PTPN3: variants seen among roughly 807,000 people sequenced by gnomAD.
PTPN3 encodes protein tyrosine phosphatase non-receptor type 3.
Under a neutral mutation model 132.7 loss-of-function variants are expected in PTPN3, and 96 were observed. The observed-to-expected ratio is 0.72, with a 90% CI of 0.61 to 0.86. The LOEUF (loss-of-function observed/expected upper bound fraction) is 0.86, where lower values mean the gene tolerates loss of function less well. Ranked by LOEUF, PTPN3 falls within the 40% of genes least tolerant of loss-of-function variation. The probability of loss-of-function intolerance (pLI) is 0.00; values close to 1 mark genes in which losing one functional copy is unlikely to be tolerated. For missense variants in PTPN3, 1,125 were observed against 1,159.6 expected, an observed-to-expected ratio of 0.97 and a Z score of 0.43; for synonymous variants, 398 against 429.0, an observed-to-expected ratio of 0.93 and a Z score of 0.89.
intron 10 of PTPN3, among the ~76,000 whole-genome samples, chr9:109,431,648 T>A (rs1448864713): frequency 6.6e-6 from 1 of 152,242 alleles, no homozygotes; most frequent in Non-Finnish European, 1.5e-5. Flanking sequence ...TGTCGTCACA[T>A]TTTTTGGTTT....
chr9:109,441,606 T>C (rs1844476227), intron 7 of PTPN3, among the ~76,000 whole-genome samples: 1 of 152,226 alleles, frequency 6.6e-6, no homozygotes, highest in Admixed American at 6.5e-5. Flanking sequence ...CAGACCTCTA[T>C]GTGGCACAGG....
At chr9:109,417,473 TA>T in intron 14 of PTPN3, 1 of 657,992 alleles carries the variant, frequency 1.5e-6, no homozygotes, top group Non-Finnish European at 1.9e-6. Context: ...ATCTGCTGTA[TA>T]AAACATGTCA....
intron 7 of PTPN3, among the ~76,000 whole-genome samples, chr9:109,440,225 G>A (rs1361767378): frequency 6.6e-6 from 1 of 152,220 alleles, no homozygotes; most frequent in Non-Finnish European, 1.5e-5. Flanking sequence ...TGCAGACTTG[G>A]TCAAGGTTAG....
the PTPN3 span, among the ~76,000 whole-genome samples, chr9:109,523,368 C>A: frequency 5.3e-5 from 8 of 152,168 alleles, no homozygotes; most frequent in African/African-American, 1.9e-4. Flanking sequence ...CCTGCCTTGG[C>A]CTCCCAAAGT....
intron 1 of PTPN3, among the ~76,000 whole-genome samples, chr9:109,488,934 G>A (rs1847334843): frequency 6.6e-6 from 1 of 152,172 alleles, no homozygotes; most frequent in South Asian, 2.1e-4. Context: ...CTGCTTCCCT[G>A]CCTTTGCCAA....
At chr9:109,443,748 A>G (rs1401600290) in intron 7 of PTPN3, among the ~76,000 whole-genome samples, 3 of 152,042 alleles carry the variant, frequency 2.0e-5, no homozygotes, top group Admixed American at 2.0e-4. Context: ...TCCCAGGTAT[A>G]TTGTAGGGAG....
At chr9:109,439,073 A>C (rs769187658) in intron 7 of PTPN3, among the ~76,000 whole-genome samples, 18 of 152,058 alleles carry the variant, frequency 1.2e-4, no homozygotes, top group Non-Finnish European at 2.5e-4. Context: ...GATGCCTATG[A>C]TGTGATGGGC....
the PTPN3 span, among the ~76,000 whole-genome samples, chr9:109,518,278 G>T: frequency 1.3e-5 from 2 of 152,210 alleles, no homozygotes; most frequent in African/African-American, 4.8e-5. Context: ...TCTCAGCCAG[G>T]CTCTATGCCA....
chr9:109,522,395 G>A, the PTPN3 span, among the ~76,000 whole-genome samples: 963 of 152,314 alleles, frequency 6.3e-3, 10 homozygotes, highest in African/African-American at 0.022. Context: ...AGATTCAGGT[G>A]AGCTGACTCA....
At chr9:109,394,947 G>C (rs1840444238) in intron 19 of PTPN3, among the ~76,000 whole-genome samples, 1 of 151,986 alleles carries the variant, frequency 6.6e-6, no homozygotes, top group South Asian at 2.1e-4. Context: ...AGACCATCCA[G>C]GCTAACATGG....
chr9:109,467,820 G>A (rs918401234), intron 1 of PTPN3, among the ~76,000 whole-genome samples: 2 of 152,158 alleles, frequency 1.3e-5, no homozygotes, highest in African/African-American at 4.8e-5. Context: ...CAGTCACACA[G>A]CTAGCTGACA....
At chr9:109,428,546 A>G in intron 11 of PTPN3, 75 bp downstream of exon 11, 1 of 1,493,354 alleles carries the variant, frequency 6.7e-7, no homozygotes, top group Admixed American at 1.9e-5. Flanking sequence ...AGTTTGGGCA[A>G]CATAGCGAGA....
chr9:109,503,739 C>A, the PTPN3 span, among the ~76,000 whole-genome samples: 1 of 151,738 alleles, frequency 6.6e-6, no homozygotes. Flanking sequence ...CTTTCCTCTG[C>A]AAATTATCAC....
the PTPN3 span, among the ~76,000 whole-genome samples, chr9:109,512,626 C>T: frequency 1.3e-5 from 2 of 152,166 alleles, no homozygotes; most frequent in Admixed American, 6.5e-5. Context: ...ACCGGAAACA[C>T]CAAGCACAGG....
At chr9:109,534,581 A>AG in the PTPN3 span, among the ~76,000 whole-genome samples, 1 of 148,856 alleles carries the variant, frequency 6.7e-6, no homozygotes, top group Non-Finnish European at 1.5e-5. Context: ...GTTCGAGACC[A>AG]GCCTGACTAA....
the PTPN3 span, among the ~76,000 whole-genome samples, chr9:109,519,751 C>G: frequency 7.6e-5 from 4 of 52,672 alleles, no homozygotes; most frequent in Admixed American, 9.3e-4. Context: ...TGCTCCTTGC[C>G]AGGAACTGTT....
chr9:109,485,849 C>T (rs78424787), intron 1 of PTPN3, among the ~76,000 whole-genome samples: 4 of 152,258 alleles, frequency 2.6e-5, no homozygotes, highest in Non-Finnish European at 5.9e-5. Flanking sequence ...CTCCCATACA[C>T]CTATTCACCT....
chr9:109,534,355 GC>G, the PTPN3 span: 3 of 1,497,372 alleles, frequency 2.0e-6, no homozygotes, highest in Non-Finnish European at 2.7e-6. Context: ...GGTGACTGGG[GC>G]CGGCTGCGGC....
intron 5 of PTPN3, chr9:109,450,913 T>C (rs951643528): frequency 4.5e-5 from 44 of 985,290 alleles, no homozygotes; most frequent in Admixed American, 4.3e-4. Context: ...TACATCTTCT[T>C]TGACTCTTGA....
Sources: gnomAD v4.1 joint callset for allele counts (sites outside exome capture counted in the v4.1 genomes callset) on GRCh38, gnomAD v4.1.1 for gene constraint, MANE v1.5 for transcripts, NCBI Gene and HGNC (gene_info 2026-07-23, HGNC 2026-07-21) for gene names.